Variants in DDAH1 observed in about 807,000 individuals in gnomAD.
The protein encoded by DDAH1 is N(G),N(G)-dimethylarginine dimethylaminohydrolase 1.
Under a neutral mutation model 28.8 loss-of-function variants are expected in DDAH1, and 19 were observed. That is an observed-to-expected ratio of 0.66 (90% CI 0.46 to 0.97). The LOEUF (loss-of-function observed/expected upper bound fraction) is 0.97, where lower values mean the gene tolerates loss of function less well. Among genes scored for constraint, DDAH1 ranks in the 50% least tolerant of loss-of-function variants. The pLI, the probability that DDAH1 is intolerant of heterozygous loss-of-function variation, is 0.00. For synonymous variants in DDAH1, 153 were observed against 154.4 expected (o/e 0.99, Z 0.07); for missense variants, 326 against 375.9 (o/e 0.87, Z 1.10).
chr1:85,371,440 T>C (rs920144435), intron 1 of DDAH1, among the ~76,000 whole-genome samples: 2 of 152,164 alleles, frequency 1.3e-5, no homozygotes, highest in African/African-American at 2.4e-5. Flanking sequence ...CAGTGCACTA[T>C]GTTCACACCT....
intron 2 of DDAH1, among the ~76,000 whole-genome samples, chr1:85,477,770 G>A (rs991094574): frequency 5.3e-5 from 8 of 151,806 alleles, no homozygotes; most frequent in Admixed American, 3.9e-4. Flanking sequence ...ATGTAGCTAC[G>A]TACTAAATTT....
At chr1:85,550,331 G>A (rs1658749426) in intron 1 of DDAH1, among the ~76,000 whole-genome samples, 1 of 152,064 alleles carries the variant, frequency 6.6e-6, no homozygotes, top group Non-Finnish European at 1.5e-5. Flanking sequence ...GAAAAGCTGA[G>A]GCCCAGAGGT....
intron 1 of DDAH1, among the ~76,000 whole-genome samples, chr1:85,393,382 CA>C (rs1253437207): frequency 6.6e-6 from 1 of 152,136 alleles, no homozygotes; most frequent in East Asian, 1.9e-4. Flanking sequence ...TGAGTCCAGG[CA>C]AAGAAAATGC....
At chr1:85,473,187 G>A (rs1655676167) in intron 2 of DDAH1, among the ~76,000 whole-genome samples, 1 of 152,190 alleles carries the variant, frequency 6.6e-6, no homozygotes, top group African/African-American at 2.4e-5. Flanking sequence ...ATAAATATAT[G>A]AGTGACAGTG....
At chr1:85,327,060 C>A (rs753144465) in intron 4 of DDAH1, among the ~76,000 whole-genome samples, 1 of 152,214 alleles carries the variant, frequency 6.6e-6, no homozygotes, top group Non-Finnish European at 1.5e-5. Flanking sequence ...TTCTTTTTGG[C>A]TGCTTCCAAA....
At chr1:85,568,933 CTATT>C (rs889452824) in intron 1 of DDAH1, among the ~76,000 whole-genome samples, 1 of 152,186 alleles carries the variant, frequency 6.6e-6, no homozygotes, top group African/African-American at 2.4e-5. Context: ...TATATACACA[CTATT>C]TATGCAAGCT....
intron 1 of DDAH1, among the ~76,000 whole-genome samples, chr1:85,371,056 C>G (rs1450206569): frequency 6.6e-6 from 1 of 152,172 alleles, no homozygotes; most frequent in Non-Finnish European, 1.5e-5. Context: ...ACTATTCTAA[C>G]AAAAAGACTC....
At chr1:85,459,308 G>C (rs180875328) in intron 1 of DDAH1, among the ~76,000 whole-genome samples, 2 of 152,300 alleles carry the variant, frequency 1.3e-5, no homozygotes, top group African/African-American at 4.8e-5. Context: ...TCTCTAATGA[G>C]TCTAAGAATC....
At chr1:85,343,678 A>C (rs1487266331) in intron 4 of DDAH1, among the ~76,000 whole-genome samples, 4 of 152,222 alleles carry the variant, frequency 2.6e-5, no homozygotes, top group Admixed American at 2.6e-4. Context: ...TTTCCATTTC[A>C]ATCACCCTGT....
At chr1:85,433,006 A>C (rs1040062446) in intron 1 of DDAH1, among the ~76,000 whole-genome samples, 1 of 152,230 alleles carries the variant, frequency 6.6e-6, no homozygotes. Flanking sequence ...AATCTACTCT[A>C]TGACCATGAT....
At chr1:85,363,220 T>C (rs967870825) in intron 1 of DDAH1, among the ~76,000 whole-genome samples, 2 of 152,238 alleles carry the variant, frequency 1.3e-5, no homozygotes, top group South Asian at 2.1e-4. Flanking sequence ...TTCTGAGCTA[T>C]GGCTCCTTAA....
intron 1 of DDAH1, among the ~76,000 whole-genome samples, chr1:85,501,881 C>A (rs553251429): frequency 6.6e-5 from 10 of 152,292 alleles, no homozygotes; most frequent in African/African-American, 2.4e-4. Context: ...CTCATCATCT[C>A]CTGTTTGAAA....
chr1:85,348,584 C>T (rs551067744), intron 4 of DDAH1, among the ~76,000 whole-genome samples: 1 of 152,288 alleles, frequency 6.6e-6, no homozygotes, highest in East Asian at 1.9e-4. Context: ...ATGTCCCCAC[C>T]TGTAATTTTC....
chr1:85,403,662 A>G (rs772057464), intron 1 of DDAH1, among the ~76,000 whole-genome samples: 18 of 152,256 alleles, frequency 1.2e-4, no homozygotes, highest in Admixed American at 5.9e-4. Context: ...TCCTAAACTT[A>G]TTAAGGGTAA....
intron 1 of DDAH1, among the ~76,000 whole-genome samples, chr1:85,517,683 G>A (rs1401951604): frequency 6.6e-6 from 1 of 152,016 alleles, no homozygotes; most frequent in Non-Finnish European, 1.5e-5. Flanking sequence ...AGGCATCACA[G>A]CATCACAAAT....
intron 1 of DDAH1, among the ~76,000 whole-genome samples, chr1:85,508,099 A>C (rs949779240): frequency 5.9e-5 from 9 of 152,200 alleles, no homozygotes; most frequent in Admixed American, 3.9e-4. Flanking sequence ...TGACTGCCAG[A>C]TCTTCTCCTT....
At chr1:85,373,775 A>T (rs1443683075) in intron 1 of DDAH1, among the ~76,000 whole-genome samples, 1 of 152,186 alleles carries the variant, frequency 6.6e-6, no homozygotes, top group Admixed American at 6.6e-5. Flanking sequence ...CAGCTCTAAG[A>T]ACAAAAAGAA....
At chr1:85,571,832 C>A (rs2100568217) in intron 1 of DDAH1, among the ~76,000 whole-genome samples, 1 of 123,060 alleles carries the variant, frequency 8.1e-6, no homozygotes, top group African/African-American at 3.2e-5. Context: ...AAGCCAAAAC[C>A]TAACTACAAA....
At position 85,384,896 on chromosome 1, in the gene DDAH1, T is replaced by C. The variant is rs775074321; in HGVS notation, c.304-26049A>G. On this transcript the variant is annotated intron_variant, in intron 1 of 5. Transcript: ENST00000284031. ...GACAGTGAGTGTGATAAAACTTCTTTAGGATTTATTTACATGTTACTTAAA... is the reference window on the plus strand; with the variant it reads ...GACAGTGAGTGTGATAAAACTTCTTCAGGATTTATTTACATGTTACTTAAA... Among the ~76,000 whole-genome samples, 141 of 152,212 alleles carry C rather than the reference T, an allele frequency of 9.3e-4. 1 individual carries two copies. Among genetic ancestry groups the C allele is most frequent in the Non-Finnish European group, 1.8e-4 (12 of 68,044 alleles).
Sources: allele counts gnomAD v4.1 joint callset (sites outside exome capture counted in the v4.1 genomes callset), GRCh38; gene constraint gnomAD v4.1.1; transcripts MANE v1.5; gene names NCBI Gene and HGNC (gene_info 2026-07-23, HGNC 2026-07-21).